The following NRF1 variants were observed in gnomAD, a reference collection of about 807,000 sequenced individuals.
The protein encoded by NRF1 is nuclear respiratory factor 1.
Under a neutral mutation model 58.5 loss-of-function variants are expected in NRF1, and 5 were observed. The ratio of observed to expected loss-of-function variants is 0.09; its 90% CI spans 0.04 to 0.18. The LOEUF is 0.18. NRF1 is among the 10% of genes least tolerant of loss of function. NRF1 has a pLI of 1.00. For synonymous variants in NRF1, 224 were observed against 246.7 expected (o/e 0.91, Z 0.86); for missense variants, 288 against 657.7 (o/e 0.44, Z 6.15).
intron 10 of NRF1, among the ~76,000 whole-genome samples, chr7:129,742,113 A>G (rs2402972): frequency 0.92 from 139,649 of 152,048 alleles, 64,164 homozygotes; most frequent in East Asian, 0.94. Context: ...TTCTCCTCCT[A>G]TTGGTCAGAC....
At chr7:129,738,790 G>A (rs920830983) in intron 10 of NRF1, among the ~76,000 whole-genome samples, 1 of 152,108 alleles carries the variant, frequency 6.6e-6, no homozygotes, top group Non-Finnish European at 1.5e-5. Flanking sequence ...AGCTAAAACC[G>A]GGACTTGCCC....
chr7:129,688,477 A>C (rs191173105), intron 4 of NRF1, among the ~76,000 whole-genome samples: 17 of 152,232 alleles, frequency 1.1e-4, no homozygotes, highest in Admixed American at 3.3e-4. Context: ...TAATAGAAGG[A>C]TTTAACCTTA....
At chr7:129,722,527 TAA>T (rs1803352439) in intron 9 of NRF1, among the ~76,000 whole-genome samples, 1 of 152,188 alleles carries the variant, frequency 6.6e-6, no homozygotes, top group Non-Finnish European at 1.5e-5. Flanking sequence ...ATGCCCCACG[TAA>T]AGACCTTAAC....
intron 3 of NRF1, among the ~76,000 whole-genome samples, chr7:129,674,054 T>C (rs543063963): frequency 1.3e-5 from 2 of 151,850 alleles, no homozygotes; most frequent in Admixed American, 6.6e-5. Flanking sequence ...GGCAGGAGAA[T>C]AGCTTTAACC....
intron 10 of NRF1, among the ~76,000 whole-genome samples, chr7:129,739,094 A>G (rs1803788661): frequency 1.3e-5 from 2 of 152,242 alleles, no homozygotes; most frequent in Admixed American, 1.3e-4. Flanking sequence ...AGAGGCAAAT[A>G]AAAACATGAT....
At chr7:129,744,776 CTTA>C (rs1454904296) in intron 10 of NRF1, among the ~76,000 whole-genome samples, 1 of 152,158 alleles carries the variant, frequency 6.6e-6, no homozygotes, top group African/African-American at 2.4e-5. Flanking sequence ...TTTATGTGCT[CTTA>C]AAAAGTTTTA....
intron 1 of NRF1, among the ~76,000 whole-genome samples, chr7:129,625,645 CA>C (rs1289480507): frequency 6.7e-6 from 1 of 149,420 alleles, no homozygotes. Flanking sequence ...GGACTGCAGG[CA>C]TGTGCCACCA....
At chr7:129,681,899 A>C (rs1388310355) in intron 4 of NRF1, among the ~76,000 whole-genome samples, 1 of 151,358 alleles carries the variant, frequency 6.6e-6, no homozygotes, top group Non-Finnish European at 1.5e-5. Context: ...AAGCCTGGGC[A>C]ACATAGTGGG....
At chr7:129,752,609 T>C (rs1302436009) in intron 10 of NRF1, among the ~76,000 whole-genome samples, 2 of 152,070 alleles carry the variant, frequency 1.3e-5, no homozygotes, top group Non-Finnish European at 2.9e-5. Flanking sequence ...CCTAGCACTT[T>C]GGAAAGCCGA....
chr7:129,674,044 G>A (rs1802118963), intron 3 of NRF1, among the ~76,000 whole-genome samples: 1 of 152,006 alleles, frequency 6.6e-6, no homozygotes, highest in Admixed American at 6.6e-5. Flanking sequence ...GGGAGGCTGA[G>A]GCAGGAGAAT....
chr7:129,725,224 A>G (rs1483316105), intron 9 of NRF1, among the ~76,000 whole-genome samples: 1 of 152,174 alleles, frequency 6.6e-6, no homozygotes, highest in East Asian at 1.9e-4. Context: ...TTCTGAGTGT[A>G]TTTAACTCCC....
At chr7:129,620,600 C>A (rs935975985) in intron 1 of NRF1, among the ~76,000 whole-genome samples, 2 of 152,132 alleles carry the variant, frequency 1.3e-5, no homozygotes, top group Non-Finnish European at 2.9e-5. Context: ...ATTGGACAGG[C>A]TGGTCTTGAA....
Position 129,755,402 on chromosome 7 carries a change from T to C in NRF1, c.*221T>C, listed in dbSNP as rs926229148. ...GAAGAAACTGCATTGTCAATTTCAC[T>C]GTCCCAAAAAAGCCAAATTGTGGCA... On this transcript the variant is annotated 3_prime_UTR_variant, in exon 11 of 11. Coordinates refer to ENST00000393232, the MANE Select transcript of NRF1 (RefSeq NM_005011.5). This position sits in a 1 kb window ranked among gnomAD's most constrained non-coding sequence, Gnocchi z 5.8. The C allele has an allele frequency of 3.2e-5, 16 of 506,314 alleles. No individual in the cohort carries two copies. The highest frequency in any genetic ancestry group is 4.4e-5 in the Non-Finnish European group (13 of 294,854). The allele number at this position is 506,314 out of a possible 1,614,324, so 31.4% of individuals were successfully genotyped here.
intron 1 of NRF1, among the ~76,000 whole-genome samples, chr7:129,643,537 G>A (rs561545905): frequency 8.5e-5 from 13 of 152,334 alleles, no homozygotes; most frequent in Non-Finnish European, 1.5e-4. Flanking sequence ...AGCCATGCCA[G>A]CTGCATTCTG....
chr7:129,637,585 A>G (rs1009516313), intron 1 of NRF1, among the ~76,000 whole-genome samples: 1 of 152,214 alleles, frequency 6.6e-6, no homozygotes, highest in African/African-American at 2.4e-5. Context: ...TAGTTTTAGT[A>G]TATCTTTTGA....
chr7:129,732,389 G>GT lies in NRF1; in HGVS notation c.1348+5031dup, dbSNP rs930911896. 4.6e-5 allele frequency among the ~76,000 whole-genome samples: 7 copies of GT among 152,120 alleles called. No individual in the cohort carries two copies. The South Asian group carries it at 6.2e-4, about 14-fold the overall frequency. ...TTGGTTGGTGCAAAAGTAATTGTGGGTTTTTTTGCCATTAGAAGGAATGGC... is the reference window on the plus strand; with the variant it reads ...TTGGTTGGTGCAAAAGTAATTGTGGGTTTTTTTTGCCATTAGAAGGAATGGC... On this transcript the variant is annotated intron_variant, in intron 10 of 10. Transcript: ENST00000393232.
At chr7:129,628,038 T>C (rs1446750899) in intron 1 of NRF1, among the ~76,000 whole-genome samples, 3 of 14,596 alleles carry the variant, frequency 2.1e-4, no homozygotes, top group East Asian at 5.6e-3. Context: ...ATGGTTCTTT[T>C]TTTTTTTTTT....
At position 129,647,004 on chromosome 7, in the gene NRF1, C is replaced by T. The variant is rs185260520; in HGVS notation, c.-6-10342C>T. On this transcript the variant is annotated intron_variant, in intron 1 of 10. Transcript: ENST00000393232. ...TCTATTCATAGAGACTTTATGGACCCGAGCCCTGACTTCAGTGAGCTTACA... is the reference window on the plus strand; with the variant it reads ...TCTATTCATAGAGACTTTATGGACCTGAGCCCTGACTTCAGTGAGCTTACA... 1.5e-3 allele frequency among the ~76,000 whole-genome samples: 225 copies of T among 152,210 alleles called. 1 individual carries two copies. Among genetic ancestry groups the T allele is most frequent in the African/African-American group, 4.9e-3 (205 of 41,528 alleles).
intron 4 of NRF1, among the ~76,000 whole-genome samples, chr7:129,686,389 T>C (rs1187603517): frequency 6.6e-6 from 1 of 152,170 alleles, no homozygotes; most frequent in Non-Finnish European, 1.5e-5. Context: ...CTTTGTCCTA[T>C]AAGAAGTGAG....
Sources: gnomAD v4.1 joint callset for allele counts (sites outside exome capture counted in the v4.1 genomes callset) on GRCh38, gnomAD v4.1.1 for gene constraint, Gnocchi (gnomAD v3.1) non-coding constraint, MANE v1.5 for transcripts, NCBI Gene and HGNC (gene_info 2026-07-23, HGNC 2026-07-21) for gene names.